The following IGFN1 variants were observed in gnomAD, a reference collection of about 807,000 sequenced individuals.
The protein encoded by IGFN1 is immunoglobulin like and fibronectin type III domain containing 1, also known as immunoglobulin-like and fibronectin type III domain-containing protein 1.
IGFN1 carries 253 observed loss-of-function variants against 289.5 expected under a neutral mutation model. The observed-to-expected ratio is 0.87, with a 90% CI of 0.79 to 0.97. The LOEUF (loss-of-function observed/expected upper bound fraction) is 0.97, where lower values mean the gene tolerates loss of function less well. IGFN1 is among the 50% of genes least tolerant of loss of function. The pLI, the probability that IGFN1 is intolerant of heterozygous loss-of-function variation, is 0.00. For missense variants in IGFN1, 4,470 were observed against 4,686.1 expected, an observed-to-expected ratio of 0.95 and a Z score of 1.35; for synonymous variants, 1,706 against 1,788.5, an observed-to-expected ratio of 0.95 and a Z score of 1.16.
intron 3 of IGFN1, 43 bp downstream of exon 3, chr1:201,194,316 C>G: frequency 1.9e-6 from 3 of 1,546,846 alleles, no homozygotes; most frequent in Non-Finnish European, 2.6e-6. Context: ...AAGATTCTTG[C>G]TCTCCTACCT....
chr1:201,221,664 C>G lies in IGFN1; in HGVS notation c.10119C>G (p.Phe3373Leu), dbSNP rs779295216. Residue 3373 changes from phenylalanine (F) to leucine (L), a missense_variant, in exon 19 of 24, where the codon TTC (phenylalanine) becomes TTG (leucine). Physicochemically the swap from Phe to Leu is conservative, Grantham distance 22. This residue lies in a region of IGFN1 where 2,218 missense variants were observed against 2,114.1 expected (regional missense o/e 1.05). Transcript: ENST00000335211. ...GGCTTCGGCCTGGAGAGGGCTACTT[C>G]GTGCGGGTGACAGCAGTTAATGAAG... ...AKGLRPGEGYFVRVTAVNEGG... is the reference protein window; with the variant it reads ...AKGLRPGEGYLVRVTAVNEGG... The G allele has an allele frequency of 6.2e-7, 1 of 1,614,132 alleles. No individual in the cohort carries two copies. Among genetic ancestry groups the G allele is most frequent in the African/African-American group, 1.3e-5 (1 of 75,066 alleles).
chr1:201,218,785 C>T, intron 18 of IGFN1, 127 bp downstream of exon 18: 1 of 945,654 alleles, frequency 1.1e-6, no homozygotes, highest in Non-Finnish European at 1.5e-6. Context: ...GTCAGGAGGG[C>T]TGGGATATAA....
intron 23 of IGFN1, among the ~76,000 whole-genome samples, chr1:201,227,882 T>C (rs1255340305): frequency 6.6e-6 from 1 of 152,250 alleles, no homozygotes; most frequent in African/African-American, 2.4e-5. Context: ...TTCTTAAGTA[T>C]GTCAAGATAT....
Position 201,206,363 on chromosome 1 carries a change from G to A in IGFN1, c.1470G>A (p.Glu490=). The A allele has an allele frequency of 1.3e-6, 2 of 1,550,534 alleles. No homozygotes were observed. Among genetic ancestry groups the A allele is most frequent in the East Asian group, 4.9e-5 (2 of 40,918 alleles). Residue 490 remains glutamate, a synonymous_variant, in exon 12 of 24, where the codon GAG becomes GAA. Transcript: ENST00000335211. ...CCTGGGGCCCTGGACAGGAGGGCGAGGGCTTTCCAGTAGCAGAGGGAAGCA... is the reference window on the plus strand; with the variant it reads ...CCTGGGGCCCTGGACAGGAGGGCGAAGGCTTTCCAGTAGCAGAGGGAAGCA... ...DSAWGPGQEG[E]GFPVAEGSRA...
intron 9 of IGFN1, 93 bp downstream of exon 9, chr1:201,201,925 G>A: frequency 1.4e-6 from 1 of 694,440 alleles, no homozygotes; most frequent in South Asian, 1.7e-5. Context: ...ATTCCTCCAA[G>A]GGAACAACCA....
In IGFN1 at chr1:201,227,226, G is replaced by T; in HGVS notation, c.11113+18G>T. On this transcript the variant is annotated intron_variant, in intron 23 of 23. Coordinates refer to ENST00000335211, the MANE Select transcript of IGFN1 (RefSeq NM_001164586.2). ...TGTCATAGGTAATGGTGGCTGCCCT[G>T]GCAGTGGGGCAGGAAGGAGAGCCAG... 6.5e-7 allele frequency: 1 copy of T among 1,537,070 alleles called. No homozygotes were observed. The highest frequency in any genetic ancestry group is 1.2e-5 in the South Asian group (1 of 82,544).
rs1667398879 is a variant in IGFN1, at chr1:201,206,017, T to G, written c.1190-66T>G. The G allele has an allele frequency of 3.5e-6, 4 of 1,153,856 alleles. No individual in the cohort carries two copies. The Admixed American group carries it at 6.7e-5, about 19-fold the overall frequency. 71.5% of individuals were successfully genotyped at this position (1,153,856 alleles called of 1,614,324 possible). On this transcript the variant is annotated intron_variant, in intron 11 of 23. Coordinates refer to ENST00000335211, the MANE Select transcript of IGFN1 (RefSeq NM_001164586.2). Reference sequence around the variant, plus strand: ...TGCTTTGGCCGGATTTAACAGGAGTTTTGGTATTTTCTCTTGTCTCTCCAT... The same window carrying G: ...TGCTTTGGCCGGATTTAACAGGAGTGTTGGTATTTTCTCTTGTCTCTCCAT...
Position 201,197,319 on chromosome 1 carries a change from T to C in IGFN1, c.367+2T>C. On this transcript the variant is annotated splice_donor_variant, in intron 5 of 23. Transcript: ENST00000335211. LOFTEE classifies it high-confidence loss of function. ...CAGTGAGACTCACTGTCATCGAAGG[T>C]GGGCTTTTCCCTGAGTTTGTCTCAT... The C allele has an allele frequency of 6.5e-7, 1 of 1,542,254 alleles. No homozygotes were observed. Among genetic ancestry groups the C allele is most frequent in the Non-Finnish European group, 8.8e-7 (1 of 1,138,998 alleles).
Position 201,214,201 on chromosome 1 carries a change from G to T in IGFN1, c.8753G>T (p.Gly2918Val). ...AQGPMGHFSQGLADMEVQPGE... is the reference protein window; with the variant it reads ...AQGPMGHFSQVLADMEVQPGE... ...GGCCCCATGGGCCACTTCTCCCAGG[G>T]CCTGGCTGACATGGAAGTGCAGCCG... Residue 2918 changes from glycine (G) to valine (V), a missense_variant, in exon 13 of 24, where the codon GGC becomes GTC. Coordinates refer to ENST00000335211, the MANE Select transcript of IGFN1 (RefSeq NM_001164586.2). 1 of 1,613,266 alleles carries T rather than the reference G, an allele frequency of 6.2e-7. No individual in the cohort carries two copies. The highest frequency in any genetic ancestry group is 1.1e-5 in the South Asian group (1 of 91,028).
At chr1:201,223,487 T>C (rs1444375414) in intron 20 of IGFN1, among the ~76,000 whole-genome samples, 3 of 152,104 alleles carry the variant, frequency 2.0e-5, no homozygotes, top group Non-Finnish European at 1.5e-5. Context: ...TCTCCTGCTT[T>C]AGCCTCCCAA....
chr1:201,204,344 C>G (rs1254943780), intron 10 of IGFN1, among the ~76,000 whole-genome samples: 3 of 152,226 alleles, frequency 2.0e-5, no homozygotes, highest in Admixed American at 6.5e-5. Context: ...TGTATTCCTT[C>G]CCCATCTAGG....
At chr1:201,197,396 A>C in intron 5 of IGFN1, 79 bp downstream of exon 5, 1 of 506,708 alleles carries the variant, frequency 2.0e-6, no homozygotes, top group Non-Finnish European at 3.7e-6. Flanking sequence ...GTGGCTAGTG[A>C]GGGAGGGGAG....
rs1280827413 is a variant in IGFN1 at position 201,205,485 on chromosome 1, C to T, written c.1189+131C>T. On this transcript the variant is annotated intron_variant, in intron 11 of 23. Transcript: ENST00000335211. ...AAGGAAAGCTCCTTAGATTATTCTC[C>T]ACCCACTGCAGTGCAGACCTTCATG... 7.6e-6 allele frequency: 8 copies of T among 1,051,144 alleles called. No homozygotes were observed. In the African/African-American group the frequency reaches 8.0e-5, roughly 11 times the overall value. 65.1% of individuals were successfully genotyped at this position (1,051,144 alleles called of 1,614,324 possible).
Position 201,213,020 on chromosome 1 carries a change from C to T in IGFN1, c.8127C>T (p.Asp2709=). The change falls in exon 12 of 24, where the codon GAC becomes GAT. Residue 2709 remains aspartate, a synonymous_variant. Transcript: ENST00000335211. Reference sequence around the variant, plus strand: ...GGGGCAGTTCTGTTGATGCAGAGGACTCAGGTATCCTGGGCAAGGGGAATT... The same window carrying T: ...GGGGCAGTTCTGTTGATGCAGAGGATTCAGGTATCCTGGGCAAGGGGAATT... The part of the protein sequence containing the change: ...PGRGSSVDAE[D]SGILGKGNST... 6.4e-7 allele frequency: 1 copy of T among 1,551,560 alleles called. No individual in the cohort carries two copies. The highest frequency in any genetic ancestry group is 8.7e-7 in the Non-Finnish European group (1 of 1,146,944).
rs1667444806 is a variant in IGFN1, at chr1:201,206,756, G to C, written c.1863G>C (p.Trp621Cys). 1 of 1,536,766 alleles carries C rather than the reference G, an allele frequency of 6.5e-7. No homozygotes were observed. Among genetic ancestry groups the C allele is most frequent in the Non-Finnish European group, 8.7e-7 (1 of 1,146,932 alleles). The stretch of plus-strand genomic sequence containing the variant: ...GCCAGTCTGATCCTGTAGGGTCCTG[G>C]CCAAGAGGAAAGCAGATAGAGATTT... ...QGCQSDPVGS[W>C]PRGKQIEISQ... The change falls in exon 12 of 24, where the codon TGG (tryptophan) becomes TGC (cysteine). Residue 621 changes from tryptophan (W) to cysteine (C), a missense_variant. Coordinates refer to ENST00000335211, the MANE Select transcript of IGFN1 (RefSeq NM_001164586.2).
chr1:201,201,992 A>G (rs528774233), intron 9 of IGFN1, among the ~76,000 whole-genome samples, 160 bp downstream of exon 9: 1 of 152,270 alleles, frequency 6.6e-6, no homozygotes, highest in East Asian at 1.9e-4. Context: ...ACCTGGACCA[A>G]ACCCTGGTGT....
chr1:201,206,002 G>T (rs1008178906), intron 11 of IGFN1, 81 bp from the exon 12 acceptor site: 1 of 1,046,138 alleles, frequency 9.6e-7, no homozygotes, highest in East Asian at 2.6e-5. Context: ...TGCTTTGGCC[G>T]GATTTAACAG....
chr1:201,224,535 T>A, intron 20 of IGFN1, 144 bp from the exon 21 acceptor site: 1 of 652,954 alleles, frequency 1.5e-6, no homozygotes, highest in Non-Finnish European at 2.6e-6. Context: ...CTGTGTTTTC[T>A]TGTCGACGTT....
intron 3 of IGFN1, 36 bp from the exon 4 acceptor site, chr1:201,195,803 C>T: frequency 6.5e-7 from 1 of 1,540,724 alleles, no homozygotes; most frequent in East Asian, 2.5e-5. Context: ...CCTCTCCCAA[C>T]TTGTCAGTCT....
Sources: gnomAD v4.1 joint callset for allele counts (sites outside exome capture counted in the v4.1 genomes callset) on GRCh38, gnomAD v4.1.1 for gene constraint, gnomAD v4.1.1 regional missense constraint, MANE v1.5 for transcripts, NCBI Gene and HGNC (gene_info 2026-07-23, HGNC 2026-07-21) for gene names.